The following CCDC158 variants were observed in gnomAD, a reference collection of about 807,000 sequenced individuals.
CCDC158 encodes coiled-coil domain-containing protein 158.
CCDC158 carries 116 observed loss-of-function variants against 138.6 expected under a neutral mutation model. The observed-to-expected ratio is 0.84, with a 90% confidence interval of 0.72 to 0.98. The LOEUF (loss-of-function observed/expected upper bound fraction) is 0.98, where lower values mean the gene tolerates loss of function less well. CCDC158 is among the 50% of genes least tolerant of loss of function. The pLI is 0.00. For missense variants in CCDC158, 1,265 were observed against 1,306.1 expected, an observed-to-expected ratio of 0.97 and a Z score of 0.48; for synonymous variants, 436 against 442.4, an observed-to-expected ratio of 0.99 and a Z score of 0.18.
chr4:76,400,117 C>A (rs1020525049), intron 3 of CCDC158, among the ~76,000 whole-genome samples: 2 of 151,578 alleles, frequency 1.3e-5, no homozygotes, highest in African/African-American at 2.4e-5. Flanking sequence ...ATGTTTATTG[C>A]GGCACTATTC....
At chr4:76,381,220 AG>A (rs1205850340) in intron 8 of CCDC158, among the ~76,000 whole-genome samples, 2 of 152,222 alleles carry the variant, frequency 1.3e-5, no homozygotes, top group Non-Finnish European at 2.9e-5. Context: ...TCCAGACCCC[AG>A]AATGGTAGAT....
chr4:76,388,636 A>G (rs2136050), intron 4 of CCDC158, among the ~76,000 whole-genome samples: 132,532 of 152,146 alleles, frequency 0.87, 57,867 homozygotes, highest in South Asian at 0.97. Context: ...CAGCATGTCC[A>G]GACATGCACA....
At position 76,328,805 on chromosome 4, in the gene CCDC158, G is replaced by A. The variant is rs866176967; in HGVS notation, c.3010+95C>T. 7 of 930,664 alleles carry A rather than the reference G, an allele frequency of 7.5e-6. No homozygotes were observed. In the Middle Eastern group the frequency reaches 6.4e-4, roughly 85 times the overall value. 57.7% of individuals were successfully genotyped at this position (930,664 alleles called of 1,614,324 possible). ...GGAAATGAGGCCAGAGAGTTAAAAA[G>A]GACTTGGAAGATACTGCAATGACTT... On this transcript the variant is annotated intron_variant, in intron 22 of 24. Coordinates refer to ENST00000682701, the MANE Select transcript of CCDC158 (RefSeq NM_001394954.1).
intron 23 of CCDC158, 72 bp downstream of exon 23, chr4:76,325,785 A>G (rs1005081082): frequency 9.6e-6 from 13 of 1,348,494 alleles, no homozygotes; most frequent in Non-Finnish European, 1.2e-5. Context: ...CTTAATTCTG[A>G]GTAAAAAGAA....
In CCDC158 at chr4:76,408,906, G is replaced by T. The variant is rs373950608; in HGVS notation, c.-74+3184C>A. ...AACTGGTGTGAGATGGTATCTCATT[G>T]TGGTTTTGATTTGCATTTCTGACGG... On this transcript the variant is annotated intron_variant, in intron 2 of 24. Transcript: ENST00000682701. 8.5e-5 allele frequency among the ~76,000 whole-genome samples: 13 copies of T among 152,282 alleles called. No homozygotes were observed. The East Asian group carries it at 1.7e-3, about 20-fold the overall frequency.
chr4:76,341,893 G>C (rs1179795995), intron 18 of CCDC158, among the ~76,000 whole-genome samples: 2 of 152,018 alleles, frequency 1.3e-5, no homozygotes, highest in Non-Finnish European at 2.9e-5. Context: ...CATTCACAAA[G>C]ACTAATGAAA....
At chr4:76,359,178 T>G (rs930728624) in intron 13 of CCDC158, among the ~76,000 whole-genome samples, 3 of 152,206 alleles carry the variant, frequency 2.0e-5, no homozygotes, top group Non-Finnish European at 2.9e-5. Context: ...TTATGTTTTC[T>G]GAGACCTCCC....
In CCDC158 at chr4:76,369,502, C is replaced by T. The variant is rs1329795418; in HGVS notation, c.1271G>A (p.Arg424Gln). ...TTCCAGGCGCTGCACCTCCATGTTC[C>T]GGTTGTCCAGTTCCCGCCGCAGGTG... is the stretch of plus-strand genomic sequence containing the variant. ...IDHLRRELDN[R>Q]NMEVQRLEAL... The change falls in exon 11 of 25, where the codon CGG becomes CAG. Residue 424 changes from arginine to glutamine, a missense_variant. Physicochemically the swap from Arg to Gln is conservative, Grantham distance 43. Transcript: ENST00000682701. The T allele has an allele frequency of 1.2e-5, 20 of 1,614,138 alleles. No homozygotes were observed. Among genetic ancestry groups the T allele is most frequent in the South Asian group, 2.2e-5 (2 of 91,082 alleles).
At chr4:76,369,370 A>G (rs1725004866) in intron 11 of CCDC158, 56 bp downstream of exon 11, 3 of 1,528,760 alleles carry the variant, frequency 2.0e-6, no homozygotes, top group South Asian at 1.2e-5. Context: ...GACATAAAAT[A>G]TTTATTTCCC....
In CCDC158 at chr4:76,371,543, G is replaced by C. The variant is rs778837709; in HGVS notation, c.1030-7C>G. On this transcript the variant is annotated splice_polypyrimidine_tract_variant and splice_region_variant and intron_variant, in intron 9 of 24. Coordinates refer to ENST00000682701, the MANE Select transcript of CCDC158 (RefSeq NM_001394954.1). Reference sequence around the variant, plus strand: ...GCTTTTCCAGCTCTTCTGTCTGAAAGGAAAGTACAAATTGAACAGTGTCTG... The same window carrying C: ...GCTTTTCCAGCTCTTCTGTCTGAAACGAAAGTACAAATTGAACAGTGTCTG... 4.3e-6 allele frequency: 7 copies of C among 1,613,938 alleles called. No homozygotes were observed. In the Admixed American group the frequency reaches 5.0e-5, roughly 12 times the overall value.
At chr4:76,338,456 G>A (rs756935811) in intron 18 of CCDC158, among the ~76,000 whole-genome samples, 28 of 152,168 alleles carry the variant, frequency 1.8e-4, no homozygotes, top group Admixed American at 3.3e-4. Flanking sequence ...AGGTTGTGGT[G>A]GGCCAAGATC....
At chr4:76,316,774 C>T (rs1014614532) in intron 24 of CCDC158, among the ~76,000 whole-genome samples, 4 of 151,764 alleles carry the variant, frequency 2.6e-5, no homozygotes, top group Admixed American at 2.0e-4. Context: ...CAGCAGAAAC[C>T]CTACAAGCCA....
intron 3 of CCDC158, 59 bp downstream of exon 3, chr4:76,403,079 G>A: frequency 8.4e-7 from 1 of 1,197,096 alleles, no homozygotes; most frequent in Non-Finnish European, 1.2e-6. Context: ...ACAGCAGCTT[G>A]AATGAATATC....
Position 76,354,940 on chromosome 4 carries a change from G to A in CCDC158, c.2286+384C>T, listed in dbSNP as rs188222224. ...TTTTATTAGGTTCCTATTATTTTAT[G>A]TGTCACTAATAAAATTTGTTAGTGT... is the stretch of plus-strand genomic sequence containing the variant. On this transcript the variant is annotated intron_variant, in intron 15 of 24. Transcript: ENST00000682701. Among the ~76,000 whole-genome samples the A allele has an allele frequency of 1.5e-4, 23 of 152,230 alleles. No homozygotes were observed. The East Asian group carries it at 4.4e-3, about 29-fold the overall frequency.
chr4:76,344,955 C>G, intron 18 of CCDC158: 1 of 1,501,878 alleles, frequency 6.7e-7, no homozygotes, highest in Non-Finnish European at 9.3e-7. Flanking sequence ...GTGAAAAGTG[C>G]TGAAGAAGTC....
At chr4:76,358,601 C>T (rs1723812348) in intron 13 of CCDC158, among the ~76,000 whole-genome samples, 1 of 152,110 alleles carries the variant, frequency 6.6e-6, no homozygotes, top group South Asian at 2.1e-4. Context: ...CATGCATTTG[C>T]CCATAATGTT....
At chr4:76,321,781 A>G (rs11726626) in intron 24 of CCDC158, among the ~76,000 whole-genome samples, 30,239 of 145,884 alleles carry the variant, frequency 0.21, 3,524 homozygotes, top group South Asian at 0.39. Context: ...TATATAATAA[A>G]TATATATATG....
At chr4:76,419,056 G>A (rs565665972) in intron 1 of CCDC158, among the ~76,000 whole-genome samples, 11 of 152,192 alleles carry the variant, frequency 7.2e-5, no homozygotes, top group Admixed American at 5.9e-4. Flanking sequence ...TACACACAAT[G>A]GATAATCAAT....
chr4:76,348,841 C>G (rs895099937), intron 18 of CCDC158, among the ~76,000 whole-genome samples: 18 of 151,912 alleles, frequency 1.2e-4, no homozygotes, highest in African/African-American at 4.1e-4. Context: ...GATGAATAAA[C>G]AATTAATACG....
Sources: gnomAD v4.1 joint callset for allele counts (sites outside exome capture counted in the v4.1 genomes callset) on GRCh38, gnomAD v4.1.1 for gene constraint, MANE v1.5 for transcripts, NCBI Gene and HGNC (gene_info 2026-07-23, HGNC 2026-07-21) for gene names.